EPS15: variants seen among roughly 807,000 people sequenced by gnomAD.
The protein encoded by EPS15 is epidermal growth factor receptor pathway substrate 15.
In EPS15, 72 loss-of-function variants were observed where a neutral mutation model predicts 113.8. That is an observed-to-expected ratio of 0.63 (90% CI 0.52 to 0.77). EPS15 has a LOEUF of 0.77. Among genes scored for constraint, EPS15 ranks in the 30% least tolerant of loss-of-function variants. The probability of loss-of-function intolerance (pLI) is 0.00; values close to 1 mark genes in which losing one functional copy is unlikely to be tolerated. For missense variants in EPS15, 1,048 were observed against 1,045.8 expected (o/e 1.00, Z -0.03); for synonymous variants, 344 against 363.4 (o/e 0.95, Z 0.61).
intron 15 of EPS15, among the ~76,000 whole-genome samples, 153 bp downstream of exon 15, chr1:51,407,982 A>G (rs949196095): frequency 1.3e-5 from 2 of 152,252 alleles, no homozygotes; most frequent in Non-Finnish European, 2.9e-5. Context: ...GTTTCAATAT[A>G]TAACAGGTGA....
intron 12 of EPS15, among the ~76,000 whole-genome samples, chr1:51,424,760 G>A (rs1651057326): frequency 6.6e-6 from 1 of 151,982 alleles, no homozygotes; most frequent in African/African-American, 2.4e-5. Context: ...AAAATTAGCT[G>A]GGTGTGGTCT....
intron 12 of EPS15, among the ~76,000 whole-genome samples, chr1:51,438,202 G>A (rs576793637): frequency 5.9e-5 from 9 of 152,028 alleles, no homozygotes; most frequent in Non-Finnish European, 1.2e-4. Context: ...TTTCACAAAC[G>A]TCAAATCATG....
At chr1:51,506,601 T>C (rs146757130) in intron 1 of EPS15, among the ~76,000 whole-genome samples, 37 of 151,828 alleles carry the variant, frequency 2.4e-4, no homozygotes, top group African/African-American at 6.5e-4. Flanking sequence ...AGGAAGAAAT[T>C]AGTCATAAAA....
chr1:51,387,373 T>C (rs1203498887), intron 21 of EPS15, among the ~76,000 whole-genome samples: 1 of 151,416 alleles, frequency 6.6e-6, no homozygotes, highest in Non-Finnish European at 1.5e-5. Context: ...TCATGCCAAA[T>C]TGTAAAGACC....
chr1:51,415,951 T>C (rs531737512), intron 13 of EPS15, among the ~76,000 whole-genome samples: 1 of 151,992 alleles, frequency 6.6e-6, no homozygotes, highest in African/African-American at 2.4e-5. Context: ...CAAATTTCAC[T>C]GGAAAATTAT....
intron 12 of EPS15, 35 bp downstream of exon 12, chr1:51,440,312 T>C: frequency 2.6e-6 from 2 of 776,844 alleles, no homozygotes; most frequent in Non-Finnish European, 4.5e-6. Context: ...TGTGTGTGTG[T>C]GTATGTGAGT....
intron 12 of EPS15, among the ~76,000 whole-genome samples, chr1:51,435,949 A>T (rs1652115893): frequency 6.6e-6 from 1 of 152,218 alleles, no homozygotes; most frequent in Non-Finnish European, 1.5e-5. Flanking sequence ...GGCAAAGGCG[A>T]ACAGTAGGAT....
At chr1:51,516,449 C>T (rs1469216807) in intron 1 of EPS15, among the ~76,000 whole-genome samples, 1 of 151,808 alleles carries the variant, frequency 6.6e-6, no homozygotes, top group African/African-American at 2.4e-5. Context: ...TTAACCCAAA[C>T]CCATACAGTT....
intron 17 of EPS15, among the ~76,000 whole-genome samples, 159 bp downstream of exon 17, chr1:51,403,260 G>A (rs957577048): frequency 1.3e-5 from 2 of 152,050 alleles, no homozygotes; most frequent in African/African-American, 4.8e-5. Context: ...GTGGAATTTT[G>A]TTACATGGCT....
intron 8 of EPS15, among the ~76,000 whole-genome samples, chr1:51,452,499 G>A (rs1653659541): frequency 2.0e-5 from 3 of 151,984 alleles, no homozygotes; most frequent in Non-Finnish European, 2.9e-5. Flanking sequence ...GCTCAGGTTG[G>A]TATCAAACTT....
chr1:51,447,657 T>C (rs990744517), intron 9 of EPS15, among the ~76,000 whole-genome samples: 2 of 152,188 alleles, frequency 1.3e-5, no homozygotes, highest in African/African-American at 4.8e-5. Context: ...CAACTATTAA[T>C]TATGCCAGGG....
intron 12 of EPS15, chr1:51,423,820 CA>C: frequency 4.8e-6 from 3 of 619,650 alleles, no homozygotes; most frequent in Non-Finnish European, 6.1e-6. Context: ...GGTGAAAATC[CA>C]AAACAGATTA....
intron 21 of EPS15, among the ~76,000 whole-genome samples, chr1:51,368,891 C>T (rs554134735): frequency 2.0e-5 from 3 of 152,252 alleles, no homozygotes; most frequent in South Asian, 4.1e-4. Flanking sequence ...GCCACGTGCC[C>T]GGCTCCTGTT....
chr1:51,433,752 G>A lies in EPS15; in HGVS notation c.1040+6595C>T, dbSNP rs1242750773. Among the ~76,000 whole-genome samples, 4 of 152,330 alleles carry A rather than the reference G, an allele frequency of 2.6e-5. No individual in the cohort carries two copies. The East Asian group carries it at 7.7e-4, about 29-fold the overall frequency. On this transcript the variant is annotated intron_variant, in intron 12 of 24. Transcript: ENST00000371733. ...AACTATTATTCTAATTATCTATCCT[G>A]TTTACTGGCCCAAGACCAGGATAAC... is the stretch of plus-strand genomic sequence containing the variant.
chr1:51,496,253 C>T (rs1028616964), intron 1 of EPS15, among the ~76,000 whole-genome samples: 9 of 152,072 alleles, frequency 5.9e-5, no homozygotes, highest in African/African-American at 1.4e-4. Flanking sequence ...GATTAAAATC[C>T]AAGAAGTCTG....
chr1:51,466,244 G>A (rs1654832334), intron 5 of EPS15, among the ~76,000 whole-genome samples: 1 of 151,716 alleles, frequency 6.6e-6, no homozygotes, highest in Non-Finnish European at 1.5e-5. Context: ...CAAAGGGAAT[G>A]AAGAGACAGG....
intron 1 of EPS15, among the ~76,000 whole-genome samples, chr1:51,493,975 C>A (rs1419783267): frequency 1.3e-5 from 2 of 152,108 alleles, no homozygotes; most frequent in East Asian, 3.8e-4. Flanking sequence ...AACTTTCAAG[C>A]TCCTGGTCTC....
chr1:51,516,214 T>C (rs1371357888), intron 1 of EPS15, among the ~76,000 whole-genome samples: 3 of 152,188 alleles, frequency 2.0e-5, no homozygotes, highest in African/African-American at 7.2e-5. Flanking sequence ...ACACTGTCTA[T>C]AAAACAGGAT....
intron 8 of EPS15, chr1:51,458,590 A>T: frequency 4.6e-6 from 2 of 438,972 alleles, no homozygotes; most frequent in South Asian, 3.2e-5. Flanking sequence ...TATAAAAATT[A>T]GCCGGGGGTG....
Sources: allele counts gnomAD v4.1 joint callset (sites outside exome capture counted in the v4.1 genomes callset), GRCh38; gene constraint gnomAD v4.1.1; transcripts MANE v1.5; gene names NCBI Gene and HGNC (gene_info 2026-07-23, HGNC 2026-07-21).